Variants in PDE3A observed in about 807,000 individuals in gnomAD.
PDE3A encodes cGMP-inhibited 3',5'-cyclic phosphodiesterase 3A.
In PDE3A, 43 loss-of-function variants were observed where a neutral mutation model predicts 98.3. The ratio of observed to expected loss-of-function variants is 0.44; its 90% CI spans 0.34 to 0.56. The LOEUF (loss-of-function observed/expected upper bound fraction) is 0.56, where lower values mean the gene tolerates loss of function less well. Ranked by LOEUF, PDE3A falls within the 20% of genes least tolerant of loss-of-function variation. The pLI is 0.01. For missense variants in PDE3A, 1,427 were observed against 1,440.7 expected (o/e 0.99, Z 0.15); for synonymous variants, 663 against 567.9 (o/e 1.17, Z -2.38).
In PDE3A at chr12:20,508,415, GT is replaced by G. The variant is rs76021385; in HGVS notation, c.961-48233del. Among the ~76,000 whole-genome samples the G allele has an allele frequency of 1.5e-3, 213 of 137,560 alleles. 1 individual carries two copies. The highest frequency in any genetic ancestry group is 5.3e-3 in the Admixed American group (72 of 13,640). 90.2% of individuals were successfully genotyped at this position (137,560 alleles called of 152,430 possible). On this transcript the variant is annotated intron_variant, in intron 1 of 15. Coordinates refer to ENST00000359062, the MANE Select transcript of PDE3A (RefSeq NM_000921.5). ...TGAGCTCTACAATGTTACCTGGTTT[GT>G]TTTTTTTTTTTAGTTTTGTCCTCTG...
chr12:20,515,831 C>T (rs1946311343), intron 1 of PDE3A, among the ~76,000 whole-genome samples: 1 of 149,792 alleles, frequency 6.7e-6, no homozygotes, highest in Admixed American at 6.6e-5. Context: ...CTCCCGGGTT[C>T]ACGCCATTCT....
chr12:20,569,909 T>G (rs1942755093), intron 2 of PDE3A, among the ~76,000 whole-genome samples: 2 of 152,314 alleles, frequency 1.3e-5, no homozygotes, highest in South Asian at 4.1e-4. Flanking sequence ...CAGAACAGAA[T>G]AATTAATTCA....
chr12:20,427,656 AT>A lies in PDE3A; in HGVS notation c.960+57418del, dbSNP rs572158894. 1.6e-3 allele frequency among the ~76,000 whole-genome samples: 249 copies of A among 152,188 alleles called. 3 individuals are homozygous for A. Among genetic ancestry groups the A allele is most frequent in the African/African-American group, 5.5e-3 (230 of 41,550 alleles). ...CAATAAATAGGCTTCAAAATTTTATATTTTTTATAGGAAACAGGTAATTTAA... is the reference window on the plus strand; with the variant it reads ...CAATAAATAGGCTTCAAAATTTTATATTTTTATAGGAAACAGGTAATTTAA... On this transcript the variant is annotated intron_variant, in intron 1 of 15. Transcript: ENST00000359062.
intron 6 of PDE3A, among the ~76,000 whole-genome samples, chr12:20,631,698 G>GTTTTT (rs146405398): frequency 1.1e-4 from 5 of 44,340 alleles, no homozygotes; most frequent in Admixed American, 6.7e-4. Flanking sequence ...TCATCATAGT[G>GTTTTT]TATTTTTTTT....
At chr12:20,450,070 A>C in intron 1 of PDE3A, 1 of 575,180 alleles carries the variant, frequency 1.7e-6, no homozygotes, top group Non-Finnish European at 3.2e-6. Flanking sequence ...AAGCTCCTTC[A>C]TCAGCCTTCT....
At chr12:20,599,811 T>C (rs1943546087) in intron 2 of PDE3A, among the ~76,000 whole-genome samples, 1 of 152,210 alleles carries the variant, frequency 6.6e-6, no homozygotes, top group Non-Finnish European at 1.5e-5. Context: ...GACTTGTCTC[T>C]ATGATCTTCA....
chr12:20,550,863 C>A (rs984239526), intron 1 of PDE3A, among the ~76,000 whole-genome samples: 2 of 151,750 alleles, frequency 1.3e-5, no homozygotes, highest in Non-Finnish European at 2.9e-5. Context: ...ATTTTGTATA[C>A]CGTAATCTAT....
chr12:20,613,405 C>A, intron 2 of PDE3A, 38 bp from the exon 3 acceptor site: 2 of 1,606,448 alleles, frequency 1.2e-6, no homozygotes, highest in Non-Finnish European at 1.7e-6. Flanking sequence ...CAGATTCAGG[C>A]CTTTTCTTGC....
At chr12:20,382,116 A>T (rs1436884451) in intron 1 of PDE3A, among the ~76,000 whole-genome samples, 2 of 151,822 alleles carry the variant, frequency 1.3e-5, no homozygotes, top group African/African-American at 4.8e-5. Context: ...TTATTTGGGA[A>T]AACTATTAAA....
chr12:20,474,500 C>T (rs1293590627), intron 1 of PDE3A, among the ~76,000 whole-genome samples: 1 of 152,214 alleles, frequency 6.6e-6, no homozygotes. Context: ...TAAAACAACA[C>T]ACATTTATTC....
At chr12:20,569,345 CAT>C (rs1268908372) in intron 2 of PDE3A, among the ~76,000 whole-genome samples, 3 of 151,988 alleles carry the variant, frequency 2.0e-5, no homozygotes, top group South Asian at 2.1e-4. Flanking sequence ...GTATATAAAT[CAT>C]GTGCTTAAAA....
At chr12:20,543,361 A>G (rs1030194853) in intron 1 of PDE3A, among the ~76,000 whole-genome samples, 3 of 151,824 alleles carry the variant, frequency 2.0e-5, no homozygotes, top group Non-Finnish European at 4.4e-5. Flanking sequence ...TCCTTTCCAT[A>G]TTGAACAGAC....
chr12:20,684,790 A>G lies in PDE3A; in HGVS notation c.*4519A>G, dbSNP rs929512587. 6.6e-6 allele frequency among the ~76,000 whole-genome samples: 1 copy of G among 152,242 alleles called. No homozygotes were observed. Among genetic ancestry groups the G allele is most frequent in the Non-Finnish European group, 1.5e-5 (1 of 68,032 alleles). ...CCTATGTTCACACATCAATTTGTTC[A>G]TCTGGAAGATATTCAAATTCTTATT... On this transcript the variant is annotated 3_prime_UTR_variant, in exon 16 of 16. Coordinates refer to ENST00000359062, the MANE Select transcript of PDE3A (RefSeq NM_000921.5).
At chr12:20,396,392 C>T (rs1944019077) in intron 1 of PDE3A, among the ~76,000 whole-genome samples, 1 of 152,070 alleles carries the variant, frequency 6.6e-6, no homozygotes, top group Admixed American at 6.6e-5. Flanking sequence ...GAAGCCAGTA[C>T]AGTTTCGTCT....
At chr12:20,482,280 G>A (rs1481266113) in intron 1 of PDE3A, among the ~76,000 whole-genome samples, 1 of 150,600 alleles carries the variant, frequency 6.6e-6, no homozygotes. Flanking sequence ...ATGTTTCTAA[G>A]CCATATAGGA....
At chr12:20,648,589 T>C in intron 12 of PDE3A, 99 bp from the exon 13 acceptor site, 1 of 763,276 alleles carries the variant, frequency 1.3e-6, no homozygotes, top group South Asian at 1.5e-5. Flanking sequence ...ATTTCTTTGT[T>C]GTATGAATAA....
At chr12:20,641,561 T>C (rs1261288784) in intron 10 of PDE3A, among the ~76,000 whole-genome samples, 1 of 152,184 alleles carries the variant, frequency 6.6e-6, no homozygotes, top group Non-Finnish European at 1.5e-5. Flanking sequence ...TTTTCAAATG[T>C]ATTTTAATGA....
At chr12:20,459,086 C>A (rs931057199) in intron 1 of PDE3A, among the ~76,000 whole-genome samples, 3 of 152,064 alleles carry the variant, frequency 2.0e-5, no homozygotes, top group African/African-American at 7.2e-5. Flanking sequence ...ACTTTTCCTT[C>A]CCAGTATAGT....
chr12:20,421,750 C>T (rs893372087), intron 1 of PDE3A, among the ~76,000 whole-genome samples: 2 of 152,050 alleles, frequency 1.3e-5, no homozygotes, highest in African/African-American at 4.8e-5. Context: ...GAGTGGTATT[C>T]AGGTTTCATG....
Sources: gnomAD v4.1 joint callset for allele counts (sites outside exome capture counted in the v4.1 genomes callset) on GRCh38, gnomAD v4.1.1 for gene constraint, MANE v1.5 for transcripts, NCBI Gene and HGNC (gene_info 2026-07-23, HGNC 2026-07-21) for gene names.